The following HTR4 variants were observed in gnomAD, a reference collection of about 807,000 sequenced individuals.
HTR4 encodes the protein 5-hydroxytryptamine receptor 4.
A neutral mutation model predicts 36.8 loss-of-function variants in HTR4; 16 were observed. That is an observed-to-expected ratio of 0.43 (90% CI 0.29 to 0.66). The LOEUF (loss-of-function observed/expected upper bound fraction) is 0.66. HTR4 is among the 30% of genes least tolerant of loss of function. The probability of loss-of-function intolerance (pLI) is 0.13; values close to 1 mark genes in which losing one functional copy is unlikely to be tolerated. For synonymous variants in HTR4, 189 were observed against 185.1 expected (o/e 1.02, Z -0.17); for missense variants, 438 against 490.9 (o/e 0.89, Z 1.02).
chr5:148,654,026 T>A, intron 1 of HTR4, 36 bp downstream of exon 1: 1 of 980,564 alleles, frequency 1.0e-6, no homozygotes, highest in Non-Finnish European at 1.2e-6. Flanking sequence ...CGTGGGCTCC[T>A]GGGGTCCCGA....
At chr5:148,647,573 G>A (rs1379689530) in intron 1 of HTR4, among the ~76,000 whole-genome samples, 1 of 152,198 alleles carries the variant, frequency 6.6e-6, no homozygotes, top group East Asian at 1.9e-4. Flanking sequence ...TTAGGGCCGG[G>A]GGTGGTGGCT....
At chr5:148,620,830 C>T (rs1221772001) in intron 2 of HTR4, among the ~76,000 whole-genome samples, 1 of 152,048 alleles carries the variant, frequency 6.6e-6, no homozygotes, top group Non-Finnish European at 1.5e-5. Flanking sequence ...TTGACTTAGC[C>T]CTCACTATCT....
intron 1 of HTR4, among the ~76,000 whole-genome samples, chr5:148,641,831 T>C (rs548825153): frequency 2.6e-5 from 4 of 152,322 alleles, no homozygotes; most frequent in African/African-American, 9.6e-5. Context: ...TTATCTGAAA[T>C]ATTGCTGTGG....
At chr5:148,451,277 A>G in intron 5 of HTR4, 1 of 1,613,682 alleles carries the variant, frequency 6.2e-7, no homozygotes, top group South Asian at 1.1e-5. Flanking sequence ...GTGTACCTAG[A>G]AAGGAAGGAA....
At chr5:148,616,012 C>T (rs1461501048) in intron 2 of HTR4, among the ~76,000 whole-genome samples, 1 of 152,094 alleles carries the variant, frequency 6.6e-6, no homozygotes, top group Non-Finnish European at 1.5e-5. Flanking sequence ...AAATAAAGGA[C>T]AAGACTTTAC....
At chr5:148,544,183 C>T (rs1326037748) in intron 4 of HTR4, among the ~76,000 whole-genome samples, 1 of 152,172 alleles carries the variant, frequency 6.6e-6, no homozygotes, top group African/African-American at 2.4e-5. Context: ...CCCTACCCCT[C>T]AAATAACCAC....
intron 2 of HTR4, among the ~76,000 whole-genome samples, chr5:148,582,125 A>G (rs903123090): frequency 6.6e-6 from 1 of 151,446 alleles, no homozygotes; most frequent in Middle Eastern, 3.2e-3. Context: ...TTTTTTTTGG[A>G]TAGTACATTG....
At chr5:148,531,537 T>C (rs1319508464) in intron 4 of HTR4, among the ~76,000 whole-genome samples, 1 of 152,146 alleles carries the variant, frequency 6.6e-6, no homozygotes, top group Non-Finnish European at 1.5e-5. Context: ...TTGCCAAGTC[T>C]TCAGTATGTA....
intron 2 of HTR4, among the ~76,000 whole-genome samples, chr5:148,613,294 A>C (rs934650707): frequency 2.5e-5 from 3 of 120,882 alleles, no homozygotes; most frequent in Non-Finnish European, 5.3e-5. Flanking sequence ...AAATACTGGC[A>C]AACCAAATCC....
intron 1 of HTR4, among the ~76,000 whole-genome samples, chr5:148,641,527 T>C (rs543308457): frequency 8.5e-5 from 13 of 152,338 alleles, no homozygotes; most frequent in Admixed American, 7.8e-4. Flanking sequence ...GTCTCAATAG[T>C]CTCTCATGAC....
Position 148,483,029 on chromosome 5 carries a change from A to G in HTR4, c.*174T>C, listed in dbSNP as rs988372497. 3 of 1,454,134 alleles carry G rather than the reference A, an allele frequency of 2.1e-6. No individual in the cohort carries two copies. The highest frequency in any genetic ancestry group is 1.4e-5 in the African/African-American group (1 of 69,948). The allele number at this position is 1,454,134 out of a possible 1,614,324, so 90.1% of individuals were successfully genotyped here. A position where few individuals can be genotyped will look rare whatever the true frequency, so the allele number is the denominator to read the frequency against. On this transcript the variant is annotated 3_prime_UTR_variant, in exon 7 of 7. Transcript: ENST00000377888. Reference sequence around the variant, plus strand: ...GCCATTATGTCCCCTGACTCCCTCCAGCGCCACCTGCTGGAATCTCAGAGG... The same window carrying G: ...GCCATTATGTCCCCTGACTCCCTCCGGCGCCACCTGCTGGAATCTCAGAGG...
intron 4 of HTR4, among the ~76,000 whole-genome samples, chr5:148,537,955 C>A (rs1032093840): frequency 6.6e-6 from 1 of 152,044 alleles, no homozygotes; most frequent in African/African-American, 2.4e-5. Flanking sequence ...AGTATCCTTA[C>A]ATGAATATCA....
rs538772069 is a variant in HTR4 at position 148,572,045 on chromosome 5, TA to T, written c.27-21784del. Among the ~76,000 whole-genome samples, 11 of 152,188 alleles carry T rather than the reference TA, an allele frequency of 7.2e-5. No homozygotes were observed. In the South Asian group the frequency reaches 1.2e-3, roughly 17 times the overall value. ...TTTCTATGTGCTAGAAATGCTGAGATAAAAAAATTAATTTTGTGGTTAGCTT... is the reference window on the plus strand; with the variant it reads ...TTTCTATGTGCTAGAAATGCTGAGATAAAAAATTAATTTTGTGGTTAGCTT... On this transcript the variant is annotated intron_variant, in intron 2 of 6. Coordinates refer to ENST00000377888, the MANE Select transcript of HTR4 (RefSeq NM_000870.7).
intron 2 of HTR4, among the ~76,000 whole-genome samples, chr5:148,622,739 G>C (rs551009362): frequency 3.9e-5 from 6 of 152,246 alleles, no homozygotes; most frequent in African/African-American, 1.4e-4. Context: ...GTGAGACTTA[G>C]ATAACAATGT....
chr5:148,561,048 A>G (rs1760180023), intron 2 of HTR4, among the ~76,000 whole-genome samples: 2 of 152,142 alleles, frequency 1.3e-5, no homozygotes, highest in African/African-American at 4.8e-5. Flanking sequence ...TTCTAAAATA[A>G]TTTTATTTGA....
intron 5 of HTR4, among the ~76,000 whole-genome samples, chr5:148,468,052 G>A (rs537225965): frequency 9.9e-5 from 15 of 152,270 alleles, no homozygotes; most frequent in Middle Eastern, 3.4e-3. Flanking sequence ...GTACAGGTAG[G>A]GCCTTAGCCT....
chr5:148,610,335 C>T (rs1006046792), intron 2 of HTR4, among the ~76,000 whole-genome samples: 4 of 150,818 alleles, frequency 2.7e-5, no homozygotes, highest in Admixed American at 6.6e-5. Flanking sequence ...GATCTGAGAA[C>T]GGGCAGACTG....
At chr5:148,607,168 T>C (rs1399590656) in intron 2 of HTR4, among the ~76,000 whole-genome samples, 3 of 152,192 alleles carry the variant, frequency 2.0e-5, no homozygotes, top group African/African-American at 7.2e-5. Flanking sequence ...AGGAACCCAA[T>C]TCCTCACTTG....
Position 148,654,139 on chromosome 5 carries a change from TG to T in HTR4, c.-126del. 1 of 985,696 alleles carries T rather than the reference TG, an allele frequency of 1.0e-6. No individual in the cohort carries two copies. The highest frequency in any genetic ancestry group is 1.2e-6 in the Non-Finnish European group (1 of 830,066). The allele number at this position is 985,696 out of a possible 1,614,324, so 61.1% of individuals were successfully genotyped here. ...CCCAGCCGCTGAGCCGAGCTTCTGC[TG>T]CCGCCGCTGCCGCTGCGCTCCCAGC... On this transcript the variant is annotated 5_prime_UTR_variant, in exon 1 of 7. Coordinates refer to ENST00000377888, the MANE Select transcript of HTR4 (RefSeq NM_000870.7).
Sources: gnomAD v4.1 joint callset for allele counts (sites outside exome capture counted in the v4.1 genomes callset) on GRCh38, gnomAD v4.1.1 for gene constraint, MANE v1.5 for transcripts, NCBI Gene and HGNC (gene_info 2026-07-23, HGNC 2026-07-21) for gene names.